VGLL2: variants seen among roughly 807,000 people sequenced by gnomAD.
VGLL2 encodes the protein transcription cofactor vestigial-like protein 2.
A neutral mutation model predicts 27.0 loss-of-function variants in VGLL2; 18 were observed. That is an observed-to-expected ratio of 0.67 (90% CI 0.46 to 0.99). The LOEUF is 0.99. VGLL2 is among the 50% of genes least tolerant of loss of function. The probability of loss-of-function intolerance (pLI) is 0.00; values close to 1 mark genes in which losing one functional copy is unlikely to be tolerated. For missense variants in VGLL2, 491 were observed against 452.3 expected, an observed-to-expected ratio of 1.09 and a Z score of -0.78; for synonymous variants, 220 against 201.1, an observed-to-expected ratio of 1.09 and a Z score of -0.80.
chr6:117,268,527 G>C (rs1338965590), intron 2 of VGLL2, 36 bp downstream of exon 2: 1 of 1,527,266 alleles, frequency 6.5e-7, no homozygotes. Context: ...GACCCATAGG[G>C]GGTCCTCTCA....
In VGLL2 at chr6:117,270,741, C is replaced by T; in HGVS notation, c.590C>T (p.Ala197Val). 2.0e-6 allele frequency: 3 copies of T among 1,513,042 alleles called. No homozygotes were observed. Among genetic ancestry groups the T allele is most frequent in the South Asian group, 1.2e-5 (1 of 81,830 alleles). The allele number at this position is 1,513,042 out of a possible 1,614,324, so 93.7% of individuals were successfully genotyped here. A position where few individuals can be genotyped will look rare whatever the true frequency, so the allele number is the denominator to read the frequency against. ...GGCGCCACGGAGCCCTGGCACCACG[C>T]GCACCCGCACCACGCGCACCCGCAT... ...HQGATEPWHH[A>V]HPHHAHPHHP... Residue 197 changes from alanine to valine, a missense_variant, in exon 3 of 4, where the codon GCG (alanine) becomes GTG (valine). Ala to Val is a moderately conservative substitution (Grantham distance 64). Transcript: ENST00000326274.
rs1773240830 is a variant in VGLL2 at position 117,273,265 on chromosome 6, GA to G, written c.*773del. 1 of 152,100 alleles carries G rather than the reference GA, an allele frequency of 6.6e-6. No homozygotes were observed. Among genetic ancestry groups the G allele is most frequent in the Non-Finnish European group, 1.5e-5 (1 of 68,026 alleles). 9.4% of individuals were successfully genotyped at this position (152,100 alleles called of 1,614,324 possible). On this transcript the variant is annotated 3_prime_UTR_variant, in exon 4 of 4. Transcript: ENST00000326274. ...GCATATATATCATATTTTTTACAAG[GA>G]ACATTTTATGATGAAAGAAGAAACC...
chr6:117,269,995 A>G (rs1369752567), intron 2 of VGLL2, among the ~76,000 whole-genome samples: 1 of 152,086 alleles, frequency 6.6e-6, no homozygotes, highest in Non-Finnish European at 1.5e-5. Flanking sequence ...ATGTCGATGG[A>G]CTTTCAGTCT....
At position 117,265,979 on chromosome 6, in the gene VGLL2, G is replaced by C. The variant is rs1338260772; in HGVS notation, c.81+135G>C. 6 of 787,900 alleles carry C rather than the reference G, an allele frequency of 7.6e-6. No individual in the cohort carries two copies. The African/African-American group carries it at 8.6e-5, about 11-fold the overall frequency. 48.8% of individuals were successfully genotyped at this position (787,900 alleles called of 1,614,324 possible). A position where few individuals can be genotyped will look rare whatever the true frequency, so the allele number is the denominator to read the frequency against. On this transcript the variant is annotated intron_variant, in intron 1 of 3. Coordinates refer to ENST00000326274, the MANE Select transcript of VGLL2 (RefSeq NM_182645.3). ...CACGACCGGCGCAGCCGGGATGCGGGGATTGCCGGAGCCGCCCCCAGTTGG... is the reference window on the plus strand; with the variant it reads ...CACGACCGGCGCAGCCGGGATGCGGCGATTGCCGGAGCCGCCCCCAGTTGG...
chr6:117,270,501 T>A (rs1241657007), intron 2 of VGLL2, 42 bp from the exon 3 acceptor site: 5 of 1,536,470 alleles, frequency 3.3e-6, no homozygotes, highest in African/African-American at 2.8e-5. Flanking sequence ...GACACGCACC[T>A]CTTTTCCTTT....
chr6:117,265,992 C>G (rs555160950), intron 1 of VGLL2, 148 bp downstream of exon 1: 1 of 717,880 alleles, frequency 1.4e-6, no homozygotes, highest in East Asian at 2.7e-5. Context: ...TTGCCGGAGC[C>G]GCCCCCAGTT....
intron 1 of VGLL2, 36 bp from the exon 2 acceptor site, chr6:117,268,146 G>A (rs768069737): frequency 6.3e-7 from 1 of 1,598,878 alleles, no homozygotes; most frequent in South Asian, 1.1e-5. Context: ...CATCGCTTTT[G>A]AAATTGATAT....
At chr6:117,270,359 C>T (rs1018635474) in intron 2 of VGLL2, among the ~76,000 whole-genome samples, 184 bp from the exon 3 acceptor site, 1 of 152,076 alleles carries the variant, frequency 6.6e-6, no homozygotes, top group African/African-American at 2.4e-5. Flanking sequence ...GGTTGCAGCC[C>T]CCTTAGAAAA....
chr6:117,272,400 C>A, intron 3 of VGLL2, 54 bp from the exon 4 acceptor site: 1 of 1,614,026 alleles, frequency 6.2e-7, no homozygotes, highest in Admixed American at 1.7e-5. Flanking sequence ...CAATTGATGG[C>A]ACTCAGAGCT....
chr6:117,268,458 A>C lies in VGLL2; in HGVS notation c.358A>C (p.Ser120Arg). 6.2e-7 allele frequency: 1 copy of C among 1,613,650 alleles called. No individual in the cohort carries two copies. Among genetic ancestry groups the C allele is most frequent in the Non-Finnish European group, 8.5e-7 (1 of 1,179,746 alleles). ...PSSYSPSCTS[S>R]KAPRSSGPWR... ...CAGCTACTCTCCTAGCTGTACCAGC[A>C]GCAAAGCACCAAGGAGCTCTGGGCC... The change falls in exon 2 of 4, where the codon AGC (serine) becomes CGC (arginine). Residue 120 changes from serine to arginine, a missense_variant. Ser to Arg is a moderately radical substitution (Grantham distance 110). Coordinates refer to ENST00000326274, the MANE Select transcript of VGLL2 (RefSeq NM_182645.3).
chr6:117,268,164 CTT>C lies in VGLL2; in HGVS notation c.82-16_82-15del. 1 of 1,609,938 alleles carries C rather than the reference CTT, an allele frequency of 6.2e-7. No individual in the cohort carries two copies. Among genetic ancestry groups the C allele is most frequent in the Non-Finnish European group, 8.5e-7 (1 of 1,177,784 alleles). On this transcript the variant is annotated splice_polypyrimidine_tract_variant and intron_variant, in intron 1 of 3. Coordinates refer to ENST00000326274, the MANE Select transcript of VGLL2 (RefSeq NM_182645.3). ...CGCTTTTGAAATTGATATCTCTGTT[CTT>C]TCTCTCTCTGAACAGAAACTAGCCT...
rs1773245946 is a variant in VGLL2, at chr6:117,273,463, T to A, written c.*969T>A. 6.6e-6 allele frequency: 1 copy of A among 152,160 alleles called. No homozygotes were observed. The highest frequency in any genetic ancestry group is 1.5e-5 in the Non-Finnish European group (1 of 68,030). 9.4% of individuals were successfully genotyped at this position (152,160 alleles called of 1,614,324 possible). The stretch of plus-strand genomic sequence containing the variant: ...TTTTCTCAGTCTCACTGGTTGTGAT[T>A]TGGTCACTTTAGTGTTGGGACAGGG... On this transcript the variant is annotated 3_prime_UTR_variant, in exon 4 of 4. Coordinates refer to ENST00000326274, the MANE Select transcript of VGLL2 (RefSeq NM_182645.3).
intron 1 of VGLL2, among the ~76,000 whole-genome samples, chr6:117,267,046 C>G (rs951125110): frequency 1.5e-4 from 23 of 152,058 alleles, no homozygotes; most frequent in African/African-American, 5.6e-4. Context: ...CGTTTTGTCC[C>G]CAATTATTTC....
At chr6:117,272,273 C>CACCT (rs1773219561) in intron 3 of VGLL2, 181 bp from the exon 4 acceptor site, 2 of 983,582 alleles carry the variant, frequency 2.0e-6, no homozygotes, top group Non-Finnish European at 2.4e-6. Context: ...CCTCCCTCTC[C>CACCT]ACCTCCTCTC....
In VGLL2 at chr6:117,270,763, G is replaced by A. The variant is rs1394582164; in HGVS notation, c.612G>A (p.Pro204=). 2 of 1,499,100 alleles carry A rather than the reference G, an allele frequency of 1.3e-6. No homozygotes were observed. The highest frequency in any genetic ancestry group is 2.1e-5 in the Admixed American group (1 of 46,542). The allele number at this position is 1,499,100 out of a possible 1,614,324, so 92.9% of individuals were successfully genotyped here. A position where few individuals can be genotyped will look rare whatever the true frequency, so the allele number is the denominator to read the frequency against. ...WHHAHPHHAH[P]HHPYALGGAL... is the part of the protein sequence containing the mutation. ...ACGCGCACCCGCACCACGCGCACCC[G>A]CATCACCCCTACGCCCTGGGCGGCG... The change falls in exon 3 of 4, where the codon CCG becomes CCA. Residue 204 remains proline, a synonymous_variant. Coordinates refer to ENST00000326274, the MANE Select transcript of VGLL2 (RefSeq NM_182645.3).
chr6:117,272,143 T>G (rs184375552), intron 3 of VGLL2, among the ~76,000 whole-genome samples: 1 of 150,426 alleles, frequency 6.6e-6, no homozygotes, highest in Non-Finnish European at 1.5e-5. Flanking sequence ...AAATATCTTG[T>G]GCCTTCCCTC....
Position 117,271,040 on chromosome 6 carries a change from G to T in VGLL2, c.889G>T (p.Gly297Cys). The T allele has an allele frequency of 8.1e-7, 1 of 1,229,722 alleles. No homozygotes were observed. Among genetic ancestry groups the T allele is most frequent in the Non-Finnish European group, 1.0e-6 (1 of 988,000 alleles). 76.2% of individuals were successfully genotyped at this position (1,229,722 alleles called of 1,614,324 possible). Reference sequence around the variant, plus strand: ...GAGCCCCTCGGGGGACGTGGCCCAGGGTCTGGGCCTCAGCGTGGACTCAGG... The same window carrying T: ...GAGCCCCTCGGGGGACGTGGCCCAGTGTCTGGGCCTCAGCGTGGACTCAGG... ...FASPSGDVAQ[G>C]LGLSVDSARR... is the part of the protein sequence containing the mutation. Residue 297 changes from glycine to cysteine, a missense_variant, in exon 3 of 4, where the codon GGT (glycine) becomes TGT (cysteine). Transcript: ENST00000326274.
Position 117,270,579 on chromosome 6 carries a change from C to T in VGLL2, c.428C>T (p.Ala143Val), listed in dbSNP as rs1469028903. ...SFPMSQRSFP[A>V]SFWNSAYQAP... ...CCGATGAGCCAGCGCAGCTTCCCCG[C>T]CTCCTTCTGGAATAGCGCGTACCAG... Residue 143 changes from alanine (A) to valine (V), a missense_variant, in exon 3 of 4, where the codon GCC becomes GTC. By Grantham distance (64) the Ala-to-Val change is moderately conservative. Coordinates refer to ENST00000326274, the MANE Select transcript of VGLL2 (RefSeq NM_182645.3). 1.5e-5 allele frequency: 24 copies of T among 1,599,034 alleles called. No individual in the cohort carries two copies. The highest frequency in any genetic ancestry group is 2.0e-5 in the Non-Finnish European group (24 of 1,174,528).
intron 3 of VGLL2, 139 bp from the exon 4 acceptor site, chr6:117,272,315 A>C: frequency 6.6e-7 from 1 of 1,508,748 alleles, no homozygotes; most frequent in Non-Finnish European, 8.9e-7. Context: ...TCAGGTTTGC[A>C]GCCTCAGGAC....
Sources: allele counts gnomAD v4.1 joint callset (sites outside exome capture counted in the v4.1 genomes callset), GRCh38; gene constraint gnomAD v4.1.1; transcripts MANE v1.5; gene names NCBI Gene and HGNC (gene_info 2026-07-23, HGNC 2026-07-21).